The following VIPR2 variants were observed in gnomAD, a reference collection of about 807,000 sequenced individuals.
The protein encoded by VIPR2 is vasoactive intestinal polypeptide receptor 2.
A neutral mutation model predicts 58.0 loss-of-function variants in VIPR2; 48 were observed. The ratio of observed to expected loss-of-function variants is 0.83; its 90% confidence interval spans 0.66 to 1.05. The LOEUF (loss-of-function observed/expected upper bound fraction) is 1.05. Ranked by LOEUF, VIPR2 falls within the 50% of genes least tolerant of loss-of-function variation. The pLI is 0.00. For synonymous variants in VIPR2, 243 were observed against 235.2 expected (o/e 1.03, Z -0.30); for missense variants, 534 against 558.0 (o/e 0.96, Z 0.43).
At chr7:159,032,168 G>T in intron 10 of VIPR2, 101 bp from the exon 11 acceptor site, 8 of 1,480,036 alleles carry the variant, frequency 5.4e-6, no homozygotes, top group East Asian at 2.4e-5. Context: ...TGTGGGAGGG[G>T]CTCCACACCT....
rs1855944783 is a variant in VIPR2, at chr7:159,064,207, G to C, written c.358-5629C>G. ...GGGTGGGAGAGGGGCGGCCCCACGC[G>C]CCGGGCCAGGAGGGCTCCTTCTTCC... On this transcript the variant is annotated intron_variant, in intron 4 of 12. Transcript: ENST00000262178. 3.3e-5 allele frequency among the ~76,000 whole-genome samples: 5 copies of C among 152,170 alleles called. No homozygotes were observed. The South Asian group carries it at 1.0e-3, about 32-fold the overall frequency.
At chr7:159,049,209 T>C (rs755974185) in intron 5 of VIPR2, among the ~76,000 whole-genome samples, 9 of 152,192 alleles carry the variant, frequency 5.9e-5, no homozygotes, top group Non-Finnish European at 1.2e-4. Flanking sequence ...GAACATTTTG[T>C]TTACAACTCT....
intron 4 of VIPR2, among the ~76,000 whole-genome samples, chr7:159,087,240 G>C (rs1206380852): frequency 6.7e-6 from 1 of 148,744 alleles, no homozygotes; most frequent in Non-Finnish European, 1.5e-5. Context: ...GTGAGATACG[G>C]CTTCCCAACA....
chr7:159,048,889 T>C (rs1854810158), intron 5 of VIPR2, among the ~76,000 whole-genome samples: 1 of 152,220 alleles, frequency 6.6e-6, no homozygotes, highest in Non-Finnish European at 1.5e-5. Flanking sequence ...CTTTCTCTAG[T>C]TCTTCCACAA....
chr7:159,102,856 A>G (rs925244630), intron 4 of VIPR2, among the ~76,000 whole-genome samples: 1 of 152,182 alleles, frequency 6.6e-6, no homozygotes, highest in Non-Finnish European at 1.5e-5. Context: ...GCAGCCTCCA[A>G]TGTATCCCCT....
chr7:159,101,993 A>G (rs1214761036), intron 4 of VIPR2, among the ~76,000 whole-genome samples: 4 of 143,976 alleles, frequency 2.8e-5, no homozygotes, highest in Non-Finnish European at 4.5e-5. Flanking sequence ...GTGGTAGTGA[A>G]TGAGTCTCAC....
chr7:159,101,610 C>T (rs1858247843), intron 4 of VIPR2, among the ~76,000 whole-genome samples: 1 of 140,474 alleles, frequency 7.1e-6, no homozygotes, highest in African/African-American at 2.7e-5. Flanking sequence ...TCCGACCGTT[C>T]CTGTGGTAGT....
rs143012869 is a variant in VIPR2, at chr7:159,053,043, C to T, written c.455+5438G>A. On this transcript the variant is annotated intron_variant, in intron 5 of 12. Transcript: ENST00000262178. ...CAGCATGAATTACACATAGAAAAAT[C>T]CAAGTGAATTTATGGAATAAAGAAT... 7.2e-4 allele frequency among the ~76,000 whole-genome samples: 110 copies of T among 152,202 alleles called. 1 individual carries two copies. The East Asian group carries it at 0.019, about 26-fold the overall frequency.
chr7:159,120,883 C>T (rs1796428957), intron 2 of VIPR2, among the ~76,000 whole-genome samples: 1 of 152,162 alleles, frequency 6.6e-6, no homozygotes, highest in African/African-American at 2.4e-5. Context: ...GATTTGGTTT[C>T]CTTATTTAAT....
intron 2 of VIPR2, among the ~76,000 whole-genome samples, chr7:159,110,161 G>A (rs952226305): frequency 2.0e-5 from 3 of 152,218 alleles, no homozygotes; most frequent in African/African-American, 7.2e-5. Flanking sequence ...TGAATTTTAA[G>A]AGAATCATTA....
intron 2 of VIPR2, among the ~76,000 whole-genome samples, chr7:159,121,152 T>C (rs1466631736): frequency 1.3e-5 from 2 of 152,130 alleles, no homozygotes; most frequent in Non-Finnish European, 1.5e-5. Flanking sequence ...GCTCCTGACC[T>C]GCTCAGGAGA....
chr7:159,036,695 T>A (rs1289196148), intron 7 of VIPR2, 57 bp downstream of exon 7: 2 of 1,551,558 alleles, frequency 1.3e-6, no homozygotes, highest in South Asian at 2.4e-5. Flanking sequence ...AATGTTTGCG[T>A]TGTTTGGTCC....
At chr7:159,066,222 C>G (rs530126077) in intron 4 of VIPR2, among the ~76,000 whole-genome samples, 1 of 152,064 alleles carries the variant, frequency 6.6e-6, no homozygotes, top group Admixed American at 6.5e-5. Flanking sequence ...TTGCAGGATG[C>G]CTGCTTCCAC....
rs111348742 is a variant in VIPR2 at position 159,109,981 on chromosome 7, C to A, written c.152-62G>T. ...TGACAGAAGTGTCACAAATAGAAAC[C>A]CCATTAATGAGATAACTGCCTCGCA... On this transcript the variant is annotated intron_variant, in intron 2 of 12. Coordinates refer to ENST00000262178, the MANE Select transcript of VIPR2 (RefSeq NM_003382.5). 1.0e-3 allele frequency: 1,547 copies of A among 1,523,896 alleles called. 1 individual carries two copies. The highest frequency in any genetic ancestry group is 1.3e-3 in the Non-Finnish European group (1,413 of 1,108,306). 94.4% of individuals were successfully genotyped at this position (1,523,896 alleles called of 1,614,324 possible). A position where few individuals can be genotyped will look rare whatever the true frequency, so the allele number is the denominator to read the frequency against.
chr7:159,050,145 T>G (rs1854901805), intron 5 of VIPR2, among the ~76,000 whole-genome samples: 1 of 152,070 alleles, frequency 6.6e-6, no homozygotes, highest in Admixed American at 6.5e-5. Flanking sequence ...GAGACCAGCC[T>G]GGCCCACATG....
At chr7:159,091,463 G>A (rs1247744014) in intron 4 of VIPR2, among the ~76,000 whole-genome samples, 2 of 152,200 alleles carry the variant, frequency 1.3e-5, no homozygotes, top group African/African-American at 2.4e-5. Flanking sequence ...GCTATTTGGT[G>A]TGATATGATG....
intron 4 of VIPR2, among the ~76,000 whole-genome samples, chr7:159,084,010 G>C (rs559036239): frequency 6.6e-6 from 1 of 152,206 alleles, no homozygotes; most frequent in Non-Finnish European, 1.5e-5. Flanking sequence ...CAGCTTCCCA[G>C]CCCACTTCAG....
Position 159,142,476 on chromosome 7 carries a change from G to A in VIPR2, c.121C>T (p.Leu41Phe). ...TGTTTTTCTGTTTGAGACCTCAGAAGCTCTGCACATTTTGTTTCTTCCTCC... is the reference window on the plus strand; with the variant it reads ...TGTTTTTCTGTTTGAGACCTCAGAAACTCTGCACATTTTGTTTCTTCCTCC... ...IQEEETKCAE[L>F]LRSQTEKHKA... Residue 41 changes from leucine (L) to phenylalanine (F), a missense_variant, in exon 2 of 13, where the codon CTT becomes TTT. Around this residue, in one of 3 missense-constraint regions of VIPR2, gnomAD observed 224 missense variants for 255.7 expected, o/e 0.88. Transcript: ENST00000262178. 2 of 1,613,948 alleles carry A rather than the reference G, an allele frequency of 1.2e-6. No individual in the cohort carries two copies. Among genetic ancestry groups the A allele is most frequent in the Non-Finnish European group, 1.7e-6 (2 of 1,179,968 alleles).
chr7:159,096,743 G>T lies in VIPR2; in HGVS notation c.357+7014C>A. On this transcript the variant is annotated intron_variant, in intron 4 of 12. Transcript: ENST00000262178. This position sits in a 1 kb window ranked among gnomAD's most constrained non-coding sequence, Gnocchi z 5.5. ...TGGTTGTGCCAGGTGACAGCTGAAT[G>T]ATTTCTGCCTGTGGCCAGATTTCTG... 7.2e-7 allele frequency: 1 copy of T among 1,396,440 alleles called. No homozygotes were observed. The highest frequency in any genetic ancestry group is 1.7e-5 in the South Asian group (1 of 57,268). The allele number at this position is 1,396,440 out of a possible 1,614,324, so 86.5% of individuals were successfully genotyped here. A position where few individuals can be genotyped will look rare whatever the true frequency, so the allele number is the denominator to read the frequency against.
Sources: gnomAD v4.1 joint callset for allele counts (sites outside exome capture counted in the v4.1 genomes callset) on GRCh38, gnomAD v4.1.1 for gene constraint, gnomAD v4.1.1 regional missense constraint, Gnocchi (gnomAD v3.1) non-coding constraint, MANE v1.5 for transcripts, NCBI Gene and HGNC (gene_info 2026-07-23, HGNC 2026-07-21) for gene names.